BORCS5: variants seen among roughly 807,000 people sequenced by gnomAD.
The protein encoded by BORCS5 is BLOC-1-related complex subunit 5.
A neutral mutation model predicts 22.1 loss-of-function variants in BORCS5; 17 were observed. That is an observed-to-expected ratio of 0.77 (90% CI 0.53 to 1.15). The LOEUF is 1.15. Among genes scored for constraint, BORCS5 ranks in the 50% most tolerant of loss-of-function variants. The pLI is 0.00. For missense variants in BORCS5, 247 were observed against 253.2 expected (o/e 0.98, Z 0.17); for synonymous variants, 117 against 99.8 (o/e 1.17, Z -1.03).
At chr12:12,423,047 G>T (rs938952746) in intron 2 of BORCS5, among the ~76,000 whole-genome samples, 2 of 151,410 alleles carry the variant, frequency 1.3e-5, no homozygotes, top group Non-Finnish European at 2.9e-5. Flanking sequence ...TGTCACCTAG[G>T]CTGGAGTGCA....
At chr12:12,438,446 G>A (rs7311364) in intron 3 of BORCS5, among the ~76,000 whole-genome samples, 93,559 of 150,316 alleles carry the variant, frequency 0.62, 30,308 homozygotes, top group African/African-American at 0.79. Flanking sequence ...AGTGTGGTAC[G>A]GAGAGATTAA....
chr12:12,451,843 A>G (rs10734852), intron 3 of BORCS5, among the ~76,000 whole-genome samples: 57,259 of 151,048 alleles, frequency 0.38, 11,309 homozygotes, highest in Non-Finnish European at 0.43. Context: ...GCGTGAACCC[A>G]GGAGGCGGAG....
At chr12:12,435,922 G>T (rs1565912937) in intron 3 of BORCS5, 137 bp downstream of exon 3, 5 of 834,098 alleles carry the variant, frequency 6.0e-6, no homozygotes, top group Non-Finnish European at 8.9e-6. Context: ...ATGTGATGAT[G>T]AAAAAAGTGG....
chr12:12,452,029 GTCC>G (rs1306763806), intron 3 of BORCS5: 17 of 358,496 alleles, frequency 4.7e-5, no homozygotes, highest in Admixed American at 7.8e-5. Context: ...AAACTTGACT[GTCC>G]TCCTCTATTT....
intron 2 of BORCS5, among the ~76,000 whole-genome samples, chr12:12,414,651 T>C: frequency 2.4e-5 from 2 of 84,648 alleles, no homozygotes; most frequent in African/African-American, 5.8e-5. Flanking sequence ...GAGGAGCCCC[T>C]CACCTCCCGG....
intron 1 of BORCS5, among the ~76,000 whole-genome samples, chr12:12,358,627 G>A (rs901045801): frequency 6.6e-6 from 1 of 152,200 alleles, no homozygotes; most frequent in Non-Finnish European, 1.5e-5. Context: ...TGAACCAACA[G>A]CATTCGAGCA....
intron 2 of BORCS5, among the ~76,000 whole-genome samples, 160 bp from the exon 3 acceptor site, chr12:12,435,468 C>T (rs1942534585): frequency 6.6e-6 from 1 of 152,118 alleles, no homozygotes; most frequent in South Asian, 2.1e-4. Flanking sequence ...ATAACAGATG[C>T]CCCATAAATA....
intron 3 of BORCS5, 152 bp from the exon 4 acceptor site, chr12:12,465,394 C>T (rs149900543): frequency 2.9e-5 from 19 of 653,946 alleles, no homozygotes; most frequent in African/African-American, 2.0e-4. Flanking sequence ...AAGCTGTGTC[C>T]CTGAAGGGCT....
intron 2 of BORCS5, among the ~76,000 whole-genome samples, chr12:12,406,747 A>G (rs1049641998): frequency 5.3e-5 from 8 of 151,916 alleles, no homozygotes; most frequent in Non-Finnish European, 1.2e-4. Flanking sequence ...CAAAGCCTAC[A>G]TTTCTAACCT....
At chr12:12,449,594 C>A (rs1227807818) in intron 3 of BORCS5, among the ~76,000 whole-genome samples, 1 of 152,192 alleles carries the variant, frequency 6.6e-6, no homozygotes, top group Non-Finnish European at 1.5e-5. Context: ...AACAGTCATA[C>A]AATTCAAATT....
intron 2 of BORCS5, among the ~76,000 whole-genome samples, chr12:12,369,546 T>G (rs1052185492): frequency 1.1e-4 from 16 of 152,044 alleles, no homozygotes; most frequent in Non-Finnish European, 1.9e-4. Context: ...TTAGTTTCTT[T>G]TCTGGCTCTT....
At position 12,400,504 on chromosome 12, in the gene BORCS5, G is replaced by T. The variant is rs962616542; in HGVS notation, c.203-35124G>T. ...TAGACCCAGCAGGGTTTAAGAAACT[G>T]CTGTGGATAGGATGCCTTGTCCTCC... is the stretch of plus-strand genomic sequence containing the variant. On this transcript the variant is annotated intron_variant, in intron 2 of 3. Transcript: ENST00000314565. 5.3e-5 allele frequency among the ~76,000 whole-genome samples: 8 copies of T among 151,474 alleles called. No homozygotes were observed. The East Asian group carries it at 1.6e-3, about 29-fold the overall frequency.
intron 3 of BORCS5, among the ~76,000 whole-genome samples, chr12:12,437,454 A>G (rs1942578661): frequency 6.6e-6 from 1 of 152,232 alleles, no homozygotes; most frequent in Non-Finnish European, 1.5e-5. Flanking sequence ...ACCAAATGAT[A>G]CAATGCCACC....
intron 2 of BORCS5, among the ~76,000 whole-genome samples, chr12:12,398,105 T>TA (rs1409036507): frequency 6.6e-6 from 1 of 152,208 alleles, no homozygotes; most frequent in East Asian, 1.9e-4. Flanking sequence ...AATTAGGTGT[T>TA]ATGTCATCTG....
rs145635202 is a variant in BORCS5 at position 12,407,937 on chromosome 12, T to G, written c.203-27691T>G. 2.5e-3 allele frequency among the ~76,000 whole-genome samples: 381 copies of G among 152,232 alleles called. 1 individual carries two copies. Among genetic ancestry groups the G allele is most frequent in the African/African-American group, 8.4e-3 (347 of 41,540 alleles). Reference sequence around the variant, plus strand: ...GTTGCCCAGGCTGGTCTCAAACTCCTAGGCTCAAGGGATCCTTCCACCTCG... The same window carrying G: ...GTTGCCCAGGCTGGTCTCAAACTCCGAGGCTCAAGGGATCCTTCCACCTCG... On this transcript the variant is annotated intron_variant, in intron 2 of 3. Coordinates refer to ENST00000314565, the MANE Select transcript of BORCS5 (RefSeq NM_058169.6).
intron 3 of BORCS5, among the ~76,000 whole-genome samples, chr12:12,460,571 T>G (rs973996362): frequency 1.3e-5 from 2 of 152,188 alleles, no homozygotes; most frequent in Admixed American, 1.3e-4. Context: ...TTCCTAATCT[T>G]AGGGAGAAAA....
chr12:12,399,056 T>G (rs1039503201), intron 2 of BORCS5, among the ~76,000 whole-genome samples: 5 of 152,204 alleles, frequency 3.3e-5, no homozygotes, highest in East Asian at 1.9e-4. Flanking sequence ...GGAGAGGCCT[T>G]CCTTCTTCCA....
At chr12:12,443,899 A>G (rs957003941) in intron 3 of BORCS5, among the ~76,000 whole-genome samples, 5 of 152,156 alleles carry the variant, frequency 3.3e-5, no homozygotes, top group African/African-American at 9.7e-5. Context: ...GCAGTGTCAG[A>G]GGTCCCATGC....
chr12:12,403,547 C>G (rs1024870254), intron 2 of BORCS5, among the ~76,000 whole-genome samples: 4 of 152,064 alleles, frequency 2.6e-5, no homozygotes, highest in African/African-American at 9.7e-5. Context: ...TAATTACATA[C>G]TTTTTTTTCC....
Sources: gnomAD v4.1 joint callset for allele counts (sites outside exome capture counted in the v4.1 genomes callset) on GRCh38, gnomAD v4.1.1 for gene constraint, MANE v1.5 for transcripts, NCBI Gene and HGNC (gene_info 2026-07-23, HGNC 2026-07-21) for gene names.